MSRA: variants seen among roughly 807,000 people sequenced by gnomAD.
MSRA encodes the protein mitochondrial peptide methionine sulfoxide reductase.
MSRA carries 54 observed loss-of-function variants against 31.3 expected under a neutral mutation model. The ratio of observed to expected loss-of-function variants is 1.73; its 90% CI spans 1.39 to 2.17. MSRA has a LOEUF of 2.17. Ranked by LOEUF, MSRA falls within the 30% of genes most tolerant of loss-of-function variation. The pLI, the probability that MSRA is intolerant of heterozygous loss-of-function variation, is 0.00. For synonymous variants in MSRA, 169 were observed against 116.5 expected, an observed-to-expected ratio of 1.45 and a Z score of -2.90; for missense variants, 507 against 300.9, an observed-to-expected ratio of 1.69 and a Z score of -5.07.
intron 5 of MSRA, among the ~76,000 whole-genome samples, chr8:10,403,817 C>G (rs1245262732): frequency 6.6e-6 from 1 of 152,200 alleles, no homozygotes; most frequent in Non-Finnish European, 1.5e-5. Flanking sequence ...CATGCCCAGG[C>G]CGTGTGTCCC....
intron 2 of MSRA, 63 bp from the exon 3 acceptor site, chr8:10,245,041 T>C: frequency 2.6e-6 from 4 of 1,542,280 alleles, no homozygotes; most frequent in African/African-American, 1.4e-5. Context: ...TGTATGTGGA[T>C]GTGCAATGAC....
chr8:10,404,824 C>T (rs182762203), intron 5 of MSRA, among the ~76,000 whole-genome samples: 2 of 152,334 alleles, frequency 1.3e-5, no homozygotes, highest in East Asian at 3.9e-4. Context: ...GGCCGCCAGA[C>T]CATGGATGTG....
chr8:10,220,248 T>C (rs1299996112), intron 2 of MSRA, among the ~76,000 whole-genome samples: 2 of 152,242 alleles, frequency 1.3e-5, no homozygotes, highest in African/African-American at 4.8e-5. Context: ...AGACCAAGTT[T>C]CCTTGCTGAG....
At chr8:10,211,833 G>A (rs555511549) in intron 2 of MSRA, among the ~76,000 whole-genome samples, 15 of 152,078 alleles carry the variant, frequency 9.9e-5, no homozygotes, top group South Asian at 4.2e-4. Flanking sequence ...GTGGAGGGCC[G>A]GGTTCCAGCC....
intron 1 of MSRA, among the ~76,000 whole-genome samples, chr8:10,143,519 A>G (rs183498441): frequency 6.6e-6 from 1 of 152,130 alleles, no homozygotes; most frequent in Non-Finnish European, 1.5e-5. Flanking sequence ...ATCCTTATGG[A>G]TTAAATCGCA....
intron 1 of MSRA, among the ~76,000 whole-genome samples, chr8:10,086,296 C>T (rs373908645): frequency 3.9e-5 from 6 of 152,164 alleles, no homozygotes; most frequent in African/African-American, 1.4e-4. Context: ...GATGCTGGTG[C>T]TACCATTTAA....
intron 2 of MSRA, among the ~76,000 whole-genome samples, chr8:10,214,529 G>C (rs1410781611): frequency 6.6e-6 from 1 of 151,210 alleles, no homozygotes; most frequent in Non-Finnish European, 1.5e-5. Flanking sequence ...AAATAACCGA[G>C]TCCCGGTGTG....
intron 1 of MSRA, among the ~76,000 whole-genome samples, chr8:10,122,746 C>T (rs1030787598): frequency 2.6e-5 from 4 of 152,158 alleles, no homozygotes; most frequent in Admixed American, 2.6e-4. Flanking sequence ...TCCATGTGTT[C>T]ACATCATTTA....
At chr8:10,170,774 G>A (rs1248589337) in intron 1 of MSRA, among the ~76,000 whole-genome samples, 1 of 152,166 alleles carries the variant, frequency 6.6e-6, no homozygotes, top group African/African-American at 2.4e-5. Flanking sequence ...TGCAGGAACT[G>A]AGGGACAACT....
intron 3 of MSRA, among the ~76,000 whole-genome samples, chr8:10,262,940 C>A (rs1055583788): frequency 6.6e-6 from 1 of 152,190 alleles, no homozygotes; most frequent in Non-Finnish European, 1.5e-5. Context: ...TTTTGTGCTT[C>A]TGATGACTTT....
At chr8:10,278,983 C>T (rs1302034481) in intron 3 of MSRA, among the ~76,000 whole-genome samples, 1 of 151,972 alleles carries the variant, frequency 6.6e-6, no homozygotes, top group African/African-American at 2.4e-5. Context: ...AGATTTTTGC[C>T]TTACAGTAGA....
chr8:10,170,862 T>A (rs1307996030), intron 1 of MSRA, among the ~76,000 whole-genome samples: 3 of 152,242 alleles, frequency 2.0e-5, no homozygotes, highest in African/African-American at 7.2e-5. Context: ...TAGATGATCA[T>A]GTCTTCTGCG....
chr8:10,215,896 C>T (rs550172092), intron 2 of MSRA, among the ~76,000 whole-genome samples: 18 of 152,278 alleles, frequency 1.2e-4, no homozygotes, highest in African/African-American at 4.1e-4. Context: ...ATGTGGCGGA[C>T]ATTTCTTAAA....
intron 5 of MSRA, among the ~76,000 whole-genome samples, chr8:10,322,966 T>C (rs1390581504): frequency 6.6e-6 from 1 of 151,894 alleles, no homozygotes; most frequent in East Asian, 1.9e-4. Flanking sequence ...TACACGCACC[T>C]GTAATCCGAG....
At chr8:10,342,974 TAAATG>T (rs1320943159) in intron 5 of MSRA, among the ~76,000 whole-genome samples, 1 of 150,848 alleles carries the variant, frequency 6.6e-6, no homozygotes, top group Non-Finnish European at 1.5e-5. Flanking sequence ...CTGGGAAAAT[TAAATG>T]AGATAACGTG....
At chr8:10,274,731 A>G (rs1799229511) in intron 3 of MSRA, among the ~76,000 whole-genome samples, 1 of 152,016 alleles carries the variant, frequency 6.6e-6, no homozygotes, top group Admixed American at 6.6e-5. Context: ...CCACTCATCC[A>G]TCTGTACACC....
intron 1 of MSRA, among the ~76,000 whole-genome samples, chr8:10,117,979 C>G (rs564373143): frequency 6.6e-6 from 1 of 152,150 alleles, no homozygotes; most frequent in African/African-American, 2.4e-5. Context: ...AGAAACCGTT[C>G]ATCACTCTGA....
chr8:10,305,792 A>G (rs1801105130), intron 4 of MSRA, among the ~76,000 whole-genome samples: 1 of 152,110 alleles, frequency 6.6e-6, no homozygotes, highest in South Asian at 2.1e-4. Context: ...GGTATAGGTG[A>G]GGCCCGAGAC....
intron 3 of MSRA, among the ~76,000 whole-genome samples, chr8:10,269,022 G>A (rs79809011): frequency 0.018 from 2,734 of 152,336 alleles, 31 homozygotes; most frequent in Non-Finnish European, 0.028. Context: ...TTGCAGGTGC[G>A]CTGTGTTTCC....
Sources: allele counts gnomAD v4.1 joint callset (sites outside exome capture counted in the v4.1 genomes callset), GRCh38; gene constraint gnomAD v4.1.1; transcripts MANE v1.5; gene names NCBI Gene and HGNC (gene_info 2026-07-23, HGNC 2026-07-21).